The following PDE8A variants were observed in gnomAD, a reference collection of about 807,000 sequenced individuals.
The protein encoded by PDE8A is phosphodiesterase 8A, also known as high affinity cAMP-specific and IBMX-insensitive 3',5'-cyclic phosphodiesterase 8A.
In PDE8A, 59 loss-of-function variants were observed where a neutral mutation model predicts 105.0. The observed-to-expected ratio is 0.56, with a 90% CI of 0.46 to 0.70. The LOEUF (loss-of-function observed/expected upper bound fraction) is 0.70, where lower values mean the gene tolerates loss of function less well. PDE8A is among the 30% of genes least tolerant of loss of function. PDE8A has a pLI of 0.00. For synonymous variants in PDE8A, 355 were observed against 371.9 expected (o/e 0.95, Z 0.52); for missense variants, 1,014 against 1,045.9 (o/e 0.97, Z 0.42).
chr15:85,011,454 T>C (rs1022904619), intron 1 of PDE8A, among the ~76,000 whole-genome samples: 1 of 152,210 alleles, frequency 6.6e-6, no homozygotes, highest in African/African-American at 2.4e-5. Context: ...ATTTGTAAAG[T>C]GGTGGTAGTT....
At chr15:85,061,310 T>G (rs2081141082) in intron 1 of PDE8A, among the ~76,000 whole-genome samples, 2 of 152,158 alleles carry the variant, frequency 1.3e-5, no homozygotes, top group Non-Finnish European at 2.9e-5. Context: ...CTCGGCTCAC[T>G]GCAACTTCTG....
chr15:84,987,497 T>G (rs2079822393), intron 1 of PDE8A, among the ~76,000 whole-genome samples: 1 of 123,910 alleles, frequency 8.1e-6, no homozygotes, highest in South Asian at 2.6e-4. Flanking sequence ...TAAAGACAGT[T>G]TTTTGCTCTT....
chr15:85,099,905 C>G (rs961279753), intron 9 of PDE8A, 110 bp from the exon 10 acceptor site: 2 of 786,912 alleles, frequency 2.5e-6, no homozygotes, highest in African/African-American at 1.7e-5. Flanking sequence ...GTTCTCAGAG[C>G]GTTTTGTGTA....
In PDE8A at chr15:84,994,094, T is replaced by C. The variant is rs530372748; in HGVS notation, c.186+11746T>C. Reference sequence around the variant, plus strand: ...TTTACTTCCCCTCTCTGTGCTATCTTCTGGGAGGATTTTTTAGCTCAATAT... The same window carrying C: ...TTTACTTCCCCTCTCTGTGCTATCTCCTGGGAGGATTTTTTAGCTCAATAT... On this transcript the variant is annotated intron_variant, in intron 1 of 21. Transcript: ENST00000394553. Among the ~76,000 whole-genome samples, 3 of 152,318 alleles carry C rather than the reference T, an allele frequency of 2.0e-5. No individual in the cohort carries two copies. The East Asian group carries it at 5.8e-4, about 29-fold the overall frequency.
chr15:85,099,553 G>A (rs1195222318), intron 9 of PDE8A, among the ~76,000 whole-genome samples: 3 of 152,172 alleles, frequency 2.0e-5, no homozygotes, highest in Admixed American at 1.3e-4. Flanking sequence ...CTAAGCCCTC[G>A]TTGCTTTGTT....
chr15:84,987,509 T>C (rs1206781341), intron 1 of PDE8A, among the ~76,000 whole-genome samples: 2 of 150,730 alleles, frequency 1.3e-5, no homozygotes, highest in Non-Finnish European at 2.9e-5. Flanking sequence ...TTTGCTCTTG[T>C]TGCCCAGGCT....
chr15:85,047,395 T>C (rs2080903330), intron 1 of PDE8A, among the ~76,000 whole-genome samples: 2 of 152,148 alleles, frequency 1.3e-5, no homozygotes. Flanking sequence ...GGTGGTTATT[T>C]TGGGGGGAGC....
intron 1 of PDE8A, among the ~76,000 whole-genome samples, chr15:85,058,995 C>T (rs892555832): frequency 6.6e-6 from 1 of 152,014 alleles, no homozygotes; most frequent in Non-Finnish European, 1.5e-5. Flanking sequence ...GATTTGAGAT[C>T]TTATTTTCTA....
chr15:85,004,046 G>C (rs1260858856), intron 1 of PDE8A, among the ~76,000 whole-genome samples: 1 of 152,192 alleles, frequency 6.6e-6, no homozygotes, highest in Non-Finnish European at 1.5e-5. Context: ...CTTTCCATTG[G>C]CCACATGGCC....
intron 1 of PDE8A, among the ~76,000 whole-genome samples, chr15:85,027,125 C>T (rs1298385689): frequency 6.6e-6 from 1 of 152,142 alleles, no homozygotes; most frequent in Non-Finnish European, 1.5e-5. Flanking sequence ...GACCTGTTTT[C>T]TTTGCCCTCC....
chr15:85,058,115 C>G (rs34054841), intron 1 of PDE8A, among the ~76,000 whole-genome samples: 21,328 of 152,166 alleles, frequency 0.14, 1,929 homozygotes, highest in Middle Eastern at 0.24. Flanking sequence ...GGGTCTTGCT[C>G]TGTTGCCCAA....
chr15:85,073,268 CT>C (rs998552880), intron 3 of PDE8A, among the ~76,000 whole-genome samples: 4 of 152,224 alleles, frequency 2.6e-5, no homozygotes, highest in Non-Finnish European at 5.9e-5. Context: ...CAAGTAATTT[CT>C]TTCCTAGTTT....
intron 7 of PDE8A, among the ~76,000 whole-genome samples, chr15:85,090,030 G>C (rs143026879): frequency 1.3e-5 from 2 of 152,188 alleles, no homozygotes; most frequent in African/African-American, 4.8e-5. Flanking sequence ...GAGCTCTCCA[G>C]TCTTTCTTAC....
intron 3 of PDE8A, among the ~76,000 whole-genome samples, chr15:85,073,357 A>G (rs1028028815): frequency 1.3e-5 from 2 of 152,142 alleles, no homozygotes; most frequent in African/African-American, 4.8e-5. Flanking sequence ...TTCTTCCTTC[A>G]TATGCACCAG....
intron 1 of PDE8A, among the ~76,000 whole-genome samples, chr15:85,058,572 T>C (rs1046496943): frequency 6.6e-6 from 1 of 152,214 alleles, no homozygotes; most frequent in African/African-American, 2.4e-5. Flanking sequence ...ACTGATTCAG[T>C]CTCCTTACTA....
At chr15:85,112,563 A>T (rs2082036165) in intron 12 of PDE8A, among the ~76,000 whole-genome samples, 1 of 152,212 alleles carries the variant, frequency 6.6e-6, no homozygotes. Context: ...AATTTAAAAC[A>T]TTTGAGACCC....
intron 1 of PDE8A, among the ~76,000 whole-genome samples, chr15:85,051,949 C>A (rs1323369350): frequency 6.6e-6 from 1 of 151,984 alleles, no homozygotes; most frequent in Admixed American, 6.6e-5. Flanking sequence ...TTAGATATAT[C>A]TCCTAATGCT....
intron 1 of PDE8A, among the ~76,000 whole-genome samples, chr15:85,040,985 G>C (rs927456375): frequency 5.9e-5 from 9 of 152,084 alleles, no homozygotes; most frequent in Non-Finnish European, 8.8e-5. Flanking sequence ...TACTGAGAAT[G>C]CTCGTAACCC....
intron 1 of PDE8A, among the ~76,000 whole-genome samples, chr15:85,008,214 CT>C (rs2080179685): frequency 6.6e-6 from 1 of 152,082 alleles, no homozygotes; most frequent in African/African-American, 2.4e-5. Flanking sequence ...TATTCCAGGA[CT>C]TTCCCTACAG....
Sources: allele counts gnomAD v4.1 joint callset (sites outside exome capture counted in the v4.1 genomes callset), GRCh38; gene constraint gnomAD v4.1.1; transcripts MANE v1.5; gene names NCBI Gene and HGNC (gene_info 2026-07-23, HGNC 2026-07-21).